Variants in SH3RF2 observed in about 807,000 individuals in gnomAD.
SH3RF2 encodes SH3 domain containing ring finger 2.
A neutral mutation model predicts 59.0 loss-of-function variants in SH3RF2; 43 were observed. That is an observed-to-expected ratio of 0.73 (90% CI 0.57 to 0.94). The LOEUF is 0.94. SH3RF2 is among the 40% of genes least tolerant of loss of function. The pLI is 0.00. For synonymous variants in SH3RF2, 391 were observed against 391.5 expected (o/e 1.00, Z 0.01); for missense variants, 930 against 940.1 (o/e 0.99, Z 0.14).
chr5:146,034,535 G>T (rs1003731741), intron 5 of SH3RF2, among the ~76,000 whole-genome samples: 1 of 152,182 alleles, frequency 6.6e-6, no homozygotes, highest in African/African-American at 2.4e-5. Flanking sequence ...CTTTTCACTT[G>T]CTGAGATCAC....
At chr5:145,994,266 G>A (rs1313362642) in intron 2 of SH3RF2, among the ~76,000 whole-genome samples, 2 of 152,172 alleles carry the variant, frequency 1.3e-5, no homozygotes, top group African/African-American at 2.4e-5. Flanking sequence ...TCTCTAGGAA[G>A]TTCCAAACTT....
intron 2 of SH3RF2, among the ~76,000 whole-genome samples, chr5:145,953,366 G>A (rs1758266320): frequency 6.6e-6 from 1 of 152,146 alleles, no homozygotes; most frequent in South Asian, 2.1e-4. Context: ...TCAAAGAGTG[G>A]AGAGGACTTG....
At chr5:146,000,789 C>T (rs1413149368) in intron 3 of SH3RF2, among the ~76,000 whole-genome samples, 1 of 152,192 alleles carries the variant, frequency 6.6e-6, no homozygotes, top group African/African-American at 2.4e-5. Flanking sequence ...AGCATTTACT[C>T]CTTGAAGGCC....
At chr5:146,059,528 ACG>A (rs916950093) in intron 8 of SH3RF2, among the ~76,000 whole-genome samples, 20 of 150,956 alleles carry the variant, frequency 1.3e-4, no homozygotes, top group African/African-American at 2.7e-4. Flanking sequence ...TGTCTGCTTC[ACG>A]CGCGCGTGTG....
rs1236588789 is a variant in SH3RF2, at chr5:146,069,515, AATCTTTTAATAAATT to A, written c.*33+6785_*33+6799del. On this transcript the variant is annotated intron_variant, in intron 9 of 9. Transcript: ENST00000511217. The stretch of plus-strand genomic sequence containing the variant: ...TGCTGCTGCTGCTGCTGCTGCTATC[AATCTTTTAATAAATT>A]ATCATAAGAACCTTGTGAGGTATGC... Among the ~76,000 whole-genome samples the A allele has an allele frequency of 7.4e-5, 11 of 149,264 alleles. No individual in the cohort carries two copies. The South Asian group carries it at 2.3e-3, about 31-fold the overall frequency.
intron 4 of SH3RF2, among the ~76,000 whole-genome samples, chr5:146,005,082 T>C (rs1760589278): frequency 1.3e-5 from 2 of 152,176 alleles, no homozygotes; most frequent in Non-Finnish European, 2.9e-5. Context: ...ATGCTTTTCA[T>C]TTTCTTCTGC....
chr5:145,941,748 A>G (rs1311527589), intron 2 of SH3RF2, among the ~76,000 whole-genome samples: 1 of 151,994 alleles, frequency 6.6e-6, no homozygotes, highest in African/African-American at 2.4e-5. Context: ...AGTCACTTAA[A>G]CCTCAGGTCC....
At chr5:145,997,949 C>G in intron 2 of SH3RF2, 2 of 791,644 alleles carry the variant, frequency 2.5e-6, no homozygotes, top group South Asian at 1.3e-5. Context: ...TGCCTGACCC[C>G]AAGTTCATGG....
downstream of SH3RF2, among the ~76,000 whole-genome samples, chr5:146,064,727 A>AAAGGAAGG (rs1218422103): frequency 0.017 from 226 of 13,112 alleles, 3 homozygotes; most frequent in South Asian, 0.027. Context: ...AGAAAGAAAG[A>AAAGGAAGG]AAGGAAGGAA....
downstream of SH3RF2, among the ~76,000 whole-genome samples, chr5:146,064,781 AAGGAAGGAAGG>A (rs1561773681): frequency 1.6e-4 from 3 of 18,228 alleles, no homozygotes; most frequent in Non-Finnish European, 2.9e-4. Context: ...GAAGGAAAGG[AAGGAAGGAAGG>A]AAGGAAGGAA....
intron 2 of SH3RF2, among the ~76,000 whole-genome samples, chr5:145,985,929 A>G (rs990979302): frequency 6.6e-6 from 1 of 152,062 alleles, no homozygotes; most frequent in Admixed American, 6.6e-5. Flanking sequence ...TCTTGAGCCC[A>G]GGAGTTTGAG....
intron 4 of SH3RF2, among the ~76,000 whole-genome samples, chr5:146,012,337 G>T (rs960832615): frequency 6.6e-6 from 1 of 152,168 alleles, no homozygotes; most frequent in Non-Finnish European, 1.5e-5. Context: ...TGTTTGTTGT[G>T]TCTCTGCCAG....
At chr5:145,997,211 C>T (rs1204435294) in intron 2 of SH3RF2, 4 of 844,872 alleles carry the variant, frequency 4.7e-6, no homozygotes, top group African/African-American at 1.7e-5. Flanking sequence ...TTTCACCCTG[C>T]TAGTAGATGG....
At chr5:146,060,438 G>A (rs1292492835) in intron 9 of SH3RF2, among the ~76,000 whole-genome samples, 1 of 151,662 alleles carries the variant, frequency 6.6e-6, no homozygotes, top group Non-Finnish European at 1.5e-5. Context: ...TTACTGATTC[G>A]CCTTTATGTT....
intron 3 of SH3RF2, among the ~76,000 whole-genome samples, chr5:146,002,913 C>T (rs1453052406): frequency 2.6e-5 from 4 of 152,212 alleles, no homozygotes; most frequent in Admixed American, 1.3e-4. Flanking sequence ...CTCCTACCCC[C>T]TGCATCTGAG....
chr5:145,996,730 C>T (rs932984372), intron 2 of SH3RF2, among the ~76,000 whole-genome samples: 3 of 152,112 alleles, frequency 2.0e-5, no homozygotes, highest in South Asian at 4.1e-4. Context: ...ATCTCATAGA[C>T]GTAGAGTCAA....
intron 2 of SH3RF2, among the ~76,000 whole-genome samples, chr5:145,951,177 G>A (rs766936938): frequency 4.6e-5 from 7 of 152,072 alleles, no homozygotes; most frequent in South Asian, 2.1e-4. Context: ...TCCTTTACCC[G>A]CAAAAGCTTA....
chr5:146,066,168 G>A (rs941908279), downstream of SH3RF2, among the ~76,000 whole-genome samples: 2 of 152,212 alleles, frequency 1.3e-5, no homozygotes, highest in Admixed American at 6.5e-5. Context: ...CTTGGGACTT[G>A]CTCCATGAAC....
chr5:146,041,231 G>A (rs1173750854), intron 5 of SH3RF2, among the ~76,000 whole-genome samples: 2 of 152,218 alleles, frequency 1.3e-5, no homozygotes, highest in East Asian at 1.9e-4. Context: ...GTCATAGCAT[G>A]TGAGGGTGAA....
Sources: allele counts gnomAD v4.1 joint callset (sites outside exome capture counted in the v4.1 genomes callset), GRCh38; gene constraint gnomAD v4.1.1; transcripts MANE v1.5; gene names NCBI Gene and HGNC (gene_info 2026-07-23, HGNC 2026-07-21).